Variants in CIROP observed in about 807,000 individuals in gnomAD.
CIROP encodes ciliated left-right organizer metallopeptidase.
At chr14:23,100,140 G>A in the CIROP span, 3 of 173,764 alleles carry the variant, frequency 1.7e-5, no homozygotes, top group Non-Finnish European at 3.7e-5. Flanking sequence ...TGTAGTCCCA[G>A]CTACTTGGGA....
the CIROP span, chr14:23,100,396 C>T: frequency 2.7e-5 from 11 of 412,072 alleles, no homozygotes; most frequent in Middle Eastern, 6.2e-4. Context: ...TTCTCTGAAA[C>T]GCAACCCTGT....
the CIROP span, chr14:23,101,353 G>T: frequency 3.7e-6 from 2 of 539,450 alleles, no homozygotes; most frequent in South Asian, 2.9e-5. Context: ...CACCTTGTAA[G>T]CTCCCCTCCC....
the CIROP span, chr14:23,102,552 G>A: frequency 1.4e-6 from 1 of 700,124 alleles, no homozygotes. Flanking sequence ...AGTAAAATTA[G>A]AAGGAAGGAC....
chr14:23,104,310 T>A, the CIROP span: 1 of 695,346 alleles, frequency 1.4e-6, no homozygotes, highest in East Asian at 2.7e-5. Flanking sequence ...AGAATGAAGA[T>A]CTGTAGGTGA....
At chr14:23,101,134 T>G in the CIROP span, 1 of 401,990 alleles carries the variant, frequency 2.5e-6, no homozygotes, top group Non-Finnish European at 4.4e-6. Flanking sequence ...CAAGTCTTCC[T>G]TCTAAGGAAA....
At chr14:23,104,152 A>T in the CIROP span, 1 of 589,230 alleles carries the variant, frequency 1.7e-6, no homozygotes, top group South Asian at 2.1e-5. Flanking sequence ...TGGTGTACTT[A>T]TTTCTGGTTT....
chr14:23,100,786 G>C, the CIROP span: 1 of 398,902 alleles, frequency 2.5e-6, no homozygotes, highest in Non-Finnish European at 4.4e-6. Context: ...CTTCAGAGGA[G>C]AGTCATAAAG....
chr14:23,100,388 C>T, the CIROP span: 15 of 412,078 alleles, frequency 3.6e-5, no homozygotes, highest in East Asian at 4.3e-4. Context: ...GATCTTTGTT[C>T]TCTGAAACGC....
chr14:23,101,554 C>G, the CIROP span: 3 of 667,576 alleles, frequency 4.5e-6, no homozygotes, highest in Non-Finnish European at 8.2e-6. Flanking sequence ...TTCCTTCTTC[C>G]AGCATTCACT....
chr14:23,100,242 G>A, the CIROP span: 945 of 307,152 alleles, frequency 3.1e-3, 2 homozygotes, highest in Non-Finnish European at 3.6e-3. Flanking sequence ...GTGACAGAGC[G>A]AGACCCTGTC....
At chr14:23,104,933 T>A in the CIROP span, 2 of 683,200 alleles carry the variant, frequency 2.9e-6, no homozygotes, top group Non-Finnish European at 5.3e-6. Context: ...CCCTTCTGTG[T>A]CTCTCCGTAG....
the CIROP span, chr14:23,104,661 C>A: frequency 1.4e-6 from 1 of 702,966 alleles, no homozygotes; most frequent in East Asian, 2.7e-5. Flanking sequence ...TCGGGATCCC[C>A]CTCTCATCCC....
the CIROP span, chr14:23,101,712 G>A: frequency 7.1e-6 from 5 of 702,970 alleles, no homozygotes; most frequent in Non-Finnish European, 1.3e-5. Flanking sequence ...TTCCAGCATG[G>A]GGTCTGAGGA....
chr14:23,101,956 C>A, the CIROP span: 5 of 701,358 alleles, frequency 7.1e-6, no homozygotes, highest in South Asian at 7.4e-5. Context: ...GCAAATGAAG[C>A]CCAAACATCC....
At chr14:23,104,165 C>G in the CIROP span, 2 of 592,160 alleles carry the variant, frequency 3.4e-6, no homozygotes, top group African/African-American at 3.7e-5. Flanking sequence ...TCTGGTTTTC[C>G]TCTCTTTACT....
the CIROP span, chr14:23,104,706 T>A: frequency 7.1e-6 from 5 of 702,922 alleles, 1 homozygote; most frequent in South Asian, 4.4e-5. Context: ...ATCTGATATA[T>A]GATCTCCTAG....
At chr14:23,102,382 C>A in the CIROP span, 1 of 702,970 alleles carries the variant, frequency 1.4e-6, no homozygotes, top group Non-Finnish European at 2.6e-6. Context: ...GCCCCCGACA[C>A]TCCCAAGTGT....
the CIROP span, chr14:23,103,798 G>A: frequency 3.8e-5 from 27 of 702,630 alleles, no homozygotes; most frequent in Middle Eastern, 2.1e-3. Flanking sequence ...AGGCATAACC[G>A]CGAAGATGGG....
At chr14:23,101,315 A>C in the CIROP span, 1 of 512,900 alleles carries the variant, frequency 1.9e-6, no homozygotes. Flanking sequence ...CCAGGAAGGC[A>C]TGGGACCCAA....
Sources: gnomAD v4.1 joint callset for allele counts on GRCh38, gnomAD v4.1.1 for gene constraint, MANE v1.5 for transcripts, NCBI Gene and HGNC (gene_info 2026-07-23, HGNC 2026-07-21) for gene names.